The following NLRP9 variants were observed in gnomAD, a reference collection of about 807,000 sequenced individuals.
NLRP9 encodes NACHT, LRR and PYD domains-containing protein 9.
In NLRP9, 88 loss-of-function variants were observed where a neutral mutation model predicts 83.1. That is an observed-to-expected ratio of 1.06 (90% CI 0.89 to 1.26). The LOEUF (loss-of-function observed/expected upper bound fraction) is 1.26. Ranked by LOEUF, NLRP9 falls within the 50% of genes most tolerant of loss-of-function variation. The pLI, the probability that NLRP9 is intolerant of heterozygous loss-of-function variation, is 0.00. For missense variants in NLRP9, 1,308 were observed against 1,179.3 expected, an observed-to-expected ratio of 1.11 and a Z score of -1.60; for synonymous variants, 521 against 447.6, an observed-to-expected ratio of 1.16 and a Z score of -2.07.
In NLRP9 at chr19:55,732,974, A is replaced by C; in HGVS notation, c.857T>G (p.Met286Arg). ...GKLAMQKHYFMLRHPKLIKLL... is the reference protein window; with the variant it reads ...GKLAMQKHYFRLRHPKLIKLL... ...CTTTATGAGTTTTGGATGCCGCAAC[A>C]TAAAATAGTGTTTTTGCATAGCCAG... The change falls in exon 2 of 9, where the codon ATG (methionine) becomes AGG (arginine). Residue 286 changes from methionine (M) to arginine (R), a missense_variant. Coordinates refer to ENST00000332836, the MANE Select transcript of NLRP9 (RefSeq NM_176820.4). The C allele has an allele frequency of 1.9e-6, 3 of 1,614,204 alleles. No homozygotes were observed. Among genetic ancestry groups the C allele is most frequent in the Non-Finnish European group, 2.5e-6 (3 of 1,180,008 alleles).
In NLRP9 at chr19:55,724,139, G is replaced by A. The variant is rs1988326759; in HGVS notation, c.2000C>T (p.Thr667Ile). 6.2e-7 allele frequency: 1 copy of A among 1,601,814 alleles called. No homozygotes were observed. Among genetic ancestry groups the A allele is most frequent in the Admixed American group, 1.7e-5 (1 of 58,048 alleles). ...PVCKLRKLIF[T>I]SVYFGHDSEL... ...TGAATCATGTCCAAAGTACACAGAA[G>A]TAAATCTGCAAAAGATTAAAAAAAA... Residue 667 changes from threonine (T) to isoleucine (I), a missense_variant, in exon 4 of 9, where the codon ACT becomes ATT. Transcript: ENST00000332836.
chr19:55,738,363 A>C lies in NLRP9; in HGVS notation c.12T>G (p.Ser4=). 6.2e-7 allele frequency: 1 copy of C among 1,613,086 alleles called. No homozygotes were observed. Among genetic ancestry groups the C allele is most frequent in the Non-Finnish European group, 8.5e-7 (1 of 1,179,800 alleles). The change falls in exon 1 of 9, where the codon TCT becomes TCG. Residue 4 remains serine, a synonymous_variant. Transcript: ENST00000332836. MAE[S]FFSDFGLLWY... ...ACAACAAGCCAAAATCCGAAAAAAAAGATTCTGCCATATCGCCCCAGGATT... is the reference window on the plus strand; with the variant it reads ...ACAACAAGCCAAAATCCGAAAAAAACGATTCTGCCATATCGCCCCAGGATT...
chr19:55,711,234 TTTG>T (rs1259565741), intron 8 of NLRP9: 8 of 367,844 alleles, frequency 2.2e-5, no homozygotes, highest in Non-Finnish European at 3.0e-5. Flanking sequence ...ACCCCGCCCA[TTTG>T]TTTTTTAAAA....
Position 55,724,045 on chromosome 19 carries a change from G to C in NLRP9, c.2094C>G (p.Ser698=), listed in dbSNP as rs1425173876. 1 of 1,613,682 alleles carries C rather than the reference G, an allele frequency of 6.2e-7. No individual in the cohort carries two copies. Among genetic ancestry groups the C allele is most frequent in the African/African-American group, 1.3e-5 (1 of 74,920 alleles). The change falls in exon 4 of 9, where the codon TCC becomes TCG. Residue 698 remains serine (S), a synonymous_variant. Transcript: ENST00000332836. ...KLLSLYGTSL[S]QSDIRHLCET... ...CACACAGGTGTCTGATGTCAGACTG[G>C]GAGAGGCTAGTGCCGTACAGGCTCA... is the stretch of plus-strand genomic sequence containing the variant.
At chr19:55,735,591 A>G (rs185618628) in intron 1 of NLRP9, among the ~76,000 whole-genome samples, 2 of 152,294 alleles carry the variant, frequency 1.3e-5, no homozygotes, top group East Asian at 3.9e-4. Context: ...TACTGTATAT[A>G]CTATTTTCAA....
intron 8 of NLRP9, among the ~76,000 whole-genome samples, chr19:55,711,150 A>T (rs532470004): frequency 6.6e-6 from 1 of 152,194 alleles, no homozygotes; most frequent in African/African-American, 2.4e-5. Context: ...CTTTTCTTAG[A>T]GACACTAGCA....
chr19:55,729,811 C>G lies in NLRP9; in HGVS notation c.1994+20G>C. ...GAAACTCTGCCATTTGCTTAAAGGACAGGTTAACATAAAACTTACATGAGT... is the reference window on the plus strand; with the variant it reads ...GAAACTCTGCCATTTGCTTAAAGGAGAGGTTAACATAAAACTTACATGAGT... On this transcript the variant is annotated intron_variant, in intron 3 of 8. Coordinates refer to ENST00000332836, the MANE Select transcript of NLRP9 (RefSeq NM_176820.4). The G allele has an allele frequency of 6.3e-7, 1 of 1,595,020 alleles. No individual in the cohort carries two copies. Among genetic ancestry groups the G allele is most frequent in the Non-Finnish European group, 8.5e-7 (1 of 1,170,400 alleles).
At chr19:55,712,028 C>T (rs930495379) in intron 7 of NLRP9, 58 bp from the exon 8 acceptor site, 14 of 1,543,764 alleles carry the variant, frequency 9.1e-6, no homozygotes, top group Admixed American at 3.4e-5. Context: ...CTGGAAGGCA[C>T]GCCATTGTTA....
At position 55,738,259 on chromosome 19, in the gene NLRP9, A is replaced by T; in HGVS notation, c.116T>A (p.Leu39His). Residue 39 changes from leucine (L) to histidine (H), a missense_variant, in exon 1 of 9, where the codon CTC becomes CAC. Physicochemically the swap from Leu to His is moderately conservative, Grantham distance 99 (BLOSUM62 -3). Coordinates refer to ENST00000332836, the MANE Select transcript of NLRP9 (RefSeq NM_176820.4). ...LLKQPLEKFE[L>H]KPIPWAELKK... ...CAGCTCAGCCCAGGGGATTGGCTTG[A>T]GTTCAAATTTCTCCAAAGGTTGTTT... is the stretch of plus-strand genomic sequence containing the variant. 1.2e-6 allele frequency: 2 copies of T among 1,614,124 alleles called. No individual in the cohort carries two copies. The highest frequency in any genetic ancestry group is 1.7e-6 in the Non-Finnish European group (2 of 1,180,036).
chr19:55,718,776 G>A (rs62126979), intron 4 of NLRP9, among the ~76,000 whole-genome samples: 4 of 152,152 alleles, frequency 2.6e-5, no homozygotes, highest in Non-Finnish European at 5.9e-5. Flanking sequence ...TGTCCCCTGG[G>A]CCCACTGTTC....
chr19:55,732,885 T>C lies in NLRP9; in HGVS notation c.946A>G (p.Lys316Glu). 1.2e-6 allele frequency: 2 copies of C among 1,614,052 alleles called. No homozygotes were observed. Among genetic ancestry groups the C allele is most frequent in the Non-Finnish European group, 1.7e-6 (2 of 1,180,016 alleles). The change falls in exon 2 of 9, where the codon AAA becomes GAA. Residue 316 changes from lysine to glutamate, a missense_variant. Transcript: ENST00000332836. ...ACAAAATTGAAGACTTTCAGGGCTT[T>C]GCTCTTCTCACCAAAGAAGTAGGAG... ...YFSYFFGEKS[K>E]ALKVFNFVRD...
chr19:55,708,723 C>T lies in NLRP9; in HGVS notation c.*189G>A, dbSNP rs1027213906. 4 of 446,006 alleles carry T rather than the reference C, an allele frequency of 9.0e-6. No individual in the cohort carries two copies. Among genetic ancestry groups the T allele is most frequent in the African/African-American group, 4.0e-5 (2 of 49,814 alleles). 27.6% of individuals were successfully genotyped at this position (446,006 alleles called of 1,614,324 possible). A position where few individuals can be genotyped will look rare whatever the true frequency, so the allele number is the denominator to read the frequency against. On this transcript the variant is annotated 3_prime_UTR_variant, in exon 9 of 9. Coordinates refer to ENST00000332836, the MANE Select transcript of NLRP9 (RefSeq NM_176820.4). ...TTCTAAAGACAAGGGGATATAGGAC[C>T]GAGGCAAAGACAATCAGCATGTACA...
In NLRP9 at chr19:55,718,686, A is replaced by G. The variant is rs57834063; in HGVS notation, c.2160-1788T>C. On this transcript the variant is annotated intron_variant, in intron 4 of 8. Coordinates refer to ENST00000332836, the MANE Select transcript of NLRP9 (RefSeq NM_176820.4). ...TTGCCCAGCCACATTCCCCTCGCCA[A>G]GATAGTAAAAATAGTGATCAATAAA... Among the ~76,000 whole-genome samples, 23 of 152,200 alleles carry G rather than the reference A, an allele frequency of 1.5e-4. 1 individual carries two copies. Among genetic ancestry groups the G allele is most frequent in the Admixed American group, 6.6e-5 (1 of 15,264 alleles).
At chr19:55,735,545 T>A (rs1212676804) in intron 1 of NLRP9, among the ~76,000 whole-genome samples, 4 of 152,236 alleles carry the variant, frequency 2.6e-5, no homozygotes, top group African/African-American at 9.6e-5. Flanking sequence ...CTCTACATTT[T>A]TCTTCTGCCC....
intron 3 of NLRP9, among the ~76,000 whole-genome samples, chr19:55,726,415 G>T (rs1447591608): frequency 6.6e-6 from 1 of 152,264 alleles, no homozygotes; most frequent in Middle Eastern, 3.4e-3. Context: ...CAATTGCTGA[G>T]ATGAATAAAG....
intron 1 of NLRP9, 22 bp from the exon 2 acceptor site, chr19:55,733,572 A>G: frequency 2.3e-6 from 3 of 1,324,780 alleles, no homozygotes; most frequent in Non-Finnish European, 3.1e-6. Flanking sequence ...AGAACAGGAT[A>G]TAAGATAGGT....
chr19:55,733,684 C>G (rs1302664732), intron 1 of NLRP9, 134 bp from the exon 2 acceptor site: 2 of 609,304 alleles, frequency 3.3e-6, no homozygotes, highest in Non-Finnish European at 2.8e-6. Context: ...AAAATTTAAC[C>G]TGAGAGACTG....
intron 3 of NLRP9, 109 bp from the exon 4 acceptor site, chr19:55,724,253 T>C: frequency 1.4e-6 from 1 of 699,440 alleles, no homozygotes; most frequent in Non-Finnish European, 2.3e-6. Context: ...CACCACACTG[T>C]TTCTGGAATT....
intron 4 of NLRP9, among the ~76,000 whole-genome samples, chr19:55,719,500 G>A (rs1476902255): frequency 6.6e-6 from 1 of 152,210 alleles, no homozygotes; most frequent in Non-Finnish European, 1.5e-5. Flanking sequence ...CGCTCAAAGG[G>A]CAATGCATAT....
Sources: gnomAD v4.1 joint callset for allele counts (sites outside exome capture counted in the v4.1 genomes callset) on GRCh38, gnomAD v4.1.1 for gene constraint, MANE v1.5 for transcripts, NCBI Gene and HGNC (gene_info 2026-07-23, HGNC 2026-07-21) for gene names.